The following MAP6 variants were observed in gnomAD, a reference collection of about 807,000 sequenced individuals.
MAP6 encodes the protein microtubule-associated protein 6.
A neutral mutation model predicts 42.4 loss-of-function variants in MAP6; 26 were observed. The observed-to-expected ratio is 0.61, with a 90% confidence interval of 0.45 to 0.85. The LOEUF is 0.85. MAP6 is among the 40% of genes least tolerant of loss of function. The pLI is 0.00. For synonymous variants in MAP6, 418 were observed against 443.8 expected, an observed-to-expected ratio of 0.94 and a Z score of 0.73; for missense variants, 966 against 1,099.0, an observed-to-expected ratio of 0.88 and a Z score of 1.71.
At chr11:75,622,267 C>T (rs988992784) in intron 1 of MAP6, among the ~76,000 whole-genome samples, 24 of 151,972 alleles carry the variant, frequency 1.6e-4, no homozygotes, top group Admixed American at 7.2e-4. Context: ...TTTAAAGAGA[C>T]AAGGTCTCAC....
intron 1 of MAP6, among the ~76,000 whole-genome samples, chr11:75,622,776 T>C (rs1399499162): frequency 1.3e-5 from 2 of 152,216 alleles, no homozygotes; most frequent in Non-Finnish European, 2.9e-5. Flanking sequence ...CACATAAGGA[T>C]AGACATATAG....
intron 1 of MAP6, among the ~76,000 whole-genome samples, chr11:75,642,138 T>C (rs1363211560): frequency 6.6e-6 from 1 of 152,276 alleles, no homozygotes; most frequent in Non-Finnish European, 1.5e-5. Context: ...CCATCTACTG[T>C]AGCCTTAGGG....
chr11:75,660,264 G>A (rs1943820714), intron 1 of MAP6, among the ~76,000 whole-genome samples: 1 of 152,090 alleles, frequency 6.6e-6, no homozygotes, highest in Non-Finnish European at 1.5e-5. Context: ...GACTTTCACA[G>A]GAAGTGAAAC....
chr11:75,608,477 G>T (rs1314178638), intron 1 of MAP6, among the ~76,000 whole-genome samples, 155 bp from the exon 2 acceptor site: 2 of 152,248 alleles, frequency 1.3e-5, no homozygotes, highest in Non-Finnish European at 2.9e-5. Context: ...TCATAAGGAA[G>T]AGTGCAAGTC....
At chr11:75,632,664 T>G (rs146869447) in intron 1 of MAP6, among the ~76,000 whole-genome samples, 27 of 152,326 alleles carry the variant, frequency 1.8e-4, no homozygotes, top group African/African-American at 6.0e-4. Context: ...AAGGGTAGTA[T>G]TCTCTGGACT....
intron 1 of MAP6, among the ~76,000 whole-genome samples, chr11:75,608,602 T>A (rs1367155420): frequency 6.6e-6 from 1 of 152,230 alleles, no homozygotes; most frequent in African/African-American, 2.4e-5. Flanking sequence ...AATTCTAATC[T>A]TCAGGGCTCT....
chr11:75,658,815 C>G (rs867161479), intron 1 of MAP6, among the ~76,000 whole-genome samples: 6 of 152,206 alleles, frequency 3.9e-5, no homozygotes, highest in South Asian at 2.1e-4. Flanking sequence ...GATCCATTCT[C>G]CCATTTACCG....
chr11:75,613,067 T>C (rs73488424), intron 1 of MAP6, among the ~76,000 whole-genome samples: 1,994 of 152,332 alleles, frequency 0.013, 61 homozygotes, highest in African/African-American at 0.046. Context: ...AGGGTCAAGC[T>C]AGGCTAGGAC....
Position 75,667,335 on chromosome 11 carries a change from G to T in MAP6, c.905+130C>A. ...CAGGAGGTGGCCTGGGAGGCGGCTG[G>T]GGAGAGGGTGTGGCCTGGGACTGGA... On this transcript the variant is annotated intron_variant, in intron 1 of 3. Coordinates refer to ENST00000304771, the MANE Select transcript of MAP6 (RefSeq NM_033063.2). The surrounding 1 kb of genome is among the most constrained non-coding windows in gnomAD (Gnocchi z 5.6). 1 of 833,606 alleles carries T rather than the reference G, an allele frequency of 1.2e-6. No individual in the cohort carries two copies. Among genetic ancestry groups the T allele is most frequent in the Non-Finnish European group, 1.7e-6 (1 of 589,254 alleles). 51.6% of individuals were successfully genotyped at this position (833,606 alleles called of 1,614,324 possible). A position where few individuals can be genotyped will look rare whatever the true frequency, so the allele number is the denominator to read the frequency against.
At chr11:75,651,630 C>T (rs1256141117) in intron 1 of MAP6, among the ~76,000 whole-genome samples, 3 of 152,190 alleles carry the variant, frequency 2.0e-5, no homozygotes, top group Middle Eastern at 3.2e-3. Context: ...CTGTACCTTG[C>T]GTTCTTGGTT....
At chr11:75,613,855 G>A (rs1227441453) in intron 1 of MAP6, among the ~76,000 whole-genome samples, 1 of 152,220 alleles carries the variant, frequency 6.6e-6, no homozygotes, top group Non-Finnish European at 1.5e-5. Context: ...GGATGGCAGA[G>A]CCAGGCCCAG....
chr11:75,658,068 T>C (rs1202536975), intron 1 of MAP6, among the ~76,000 whole-genome samples: 3 of 152,228 alleles, frequency 2.0e-5, no homozygotes, highest in Non-Finnish European at 4.4e-5. Flanking sequence ...ACAATTTATG[T>C]ATCCTACTGT....
At chr11:75,643,545 A>G (rs1005599555) in intron 1 of MAP6, among the ~76,000 whole-genome samples, 5 of 152,218 alleles carry the variant, frequency 3.3e-5, no homozygotes, top group Admixed American at 1.3e-4. Context: ...GACACTCACA[A>G]TTGATAGAAC....
Position 75,610,404 on chromosome 11 carries a change from G to A in MAP6, c.906-2082C>T, listed in dbSNP as rs1319288344. Among the ~76,000 whole-genome samples the A allele has an allele frequency of 2.6e-5, 4 of 152,264 alleles. 1 individual carries two copies. Among genetic ancestry groups the A allele is most frequent in the African/African-American group, 9.6e-5 (4 of 41,550 alleles). On this transcript the variant is annotated intron_variant, in intron 1 of 3. Transcript: ENST00000304771. ...CATTCATTCACGAAATATGTACTGA[G>A]TGCTTATGGTCTGCCTAACAGGATG...
intron 1 of MAP6, among the ~76,000 whole-genome samples, chr11:75,641,956 C>A (rs1290457462): frequency 6.6e-6 from 1 of 152,126 alleles, no homozygotes; most frequent in Non-Finnish European, 1.5e-5. Flanking sequence ...AGAGCCACAG[C>A]TAAATTTTCT....
intron 3 of MAP6, among the ~76,000 whole-genome samples, chr11:75,595,295 T>TA (rs149633594): frequency 7.9e-4 from 121 of 152,326 alleles, no homozygotes; most frequent in African/African-American, 2.8e-3. Flanking sequence ...GCCACCCTTT[T>TA]AGTGAATGCC....
chr11:75,590,499 T>TTTCTGTTTAATGGGCTC (rs1942458544), intron 3 of MAP6, among the ~76,000 whole-genome samples: 2 of 152,164 alleles, frequency 1.3e-5, no homozygotes, highest in Admixed American at 1.3e-4. Context: ...ACCTACCAAA[T>TTTCTGTTTAATGGGCTC]TTCTGTTTAA....
intron 3 of MAP6, among the ~76,000 whole-genome samples, chr11:75,592,330 A>G (rs745429717): frequency 7.9e-5 from 12 of 152,192 alleles, no homozygotes; most frequent in Non-Finnish European, 1.8e-4. Context: ...ACAGGGGCCA[A>G]CCTCCTTGCC....
rs1944006928 is a variant in MAP6 at position 75,668,553 on chromosome 11, G to C, written c.-184C>G. The C allele has an allele frequency of 2.7e-6, 2 of 730,326 alleles. No homozygotes were observed. The highest frequency in any genetic ancestry group is 3.8e-6 in the Non-Finnish European group (2 of 529,890). 45.2% of individuals were successfully genotyped at this position (730,326 alleles called of 1,614,324 possible). ...ACCCGGGGAGAGCTGTCCTAGGAGA[G>C]TCTGTAGAGTCCCTCGATTACCGGT... On this transcript the variant is annotated 5_prime_UTR_variant, in exon 1 of 4. Coordinates refer to ENST00000304771, the MANE Select transcript of MAP6 (RefSeq NM_033063.2).
Sources: allele counts gnomAD v4.1 joint callset (sites outside exome capture counted in the v4.1 genomes callset), GRCh38; gene constraint gnomAD v4.1.1; non-coding constraint Gnocchi (gnomAD v3.1); transcripts MANE v1.5; gene names NCBI Gene and HGNC (gene_info 2026-07-23, HGNC 2026-07-21).